MYLK: variants seen among roughly 807,000 people sequenced by gnomAD.
MYLK encodes myosin light chain kinase, smooth muscle.
Under a neutral mutation model 203.4 loss-of-function variants are expected in MYLK, and 106 were observed. The ratio of observed to expected loss-of-function variants is 0.52; its 90% confidence interval spans 0.45 to 0.61. MYLK has a LOEUF of 0.61. Ranked by LOEUF, MYLK falls within the 20% of genes least tolerant of loss-of-function variation. The probability of loss-of-function intolerance (pLI) is 0.00; values close to 1 mark genes in which losing one functional copy is unlikely to be tolerated. For missense variants in MYLK, 2,072 were observed against 2,442.3 expected, an observed-to-expected ratio of 0.85 and a Z score of 3.20; for synonymous variants, 867 against 959.5, an observed-to-expected ratio of 0.90 and a Z score of 1.78.
rs1381414911 is a variant in MYLK at position 123,661,178 on chromosome 3, G to A, written c.3985+2927C>T. Among the ~76,000 whole-genome samples the A allele has an allele frequency of 2.6e-5, 4 of 152,322 alleles. No homozygotes were observed. In the East Asian group the frequency reaches 7.7e-4, roughly 29 times the overall value. On this transcript the variant is annotated intron_variant, in intron 23 of 33. Coordinates refer to ENST00000360304, the MANE Select transcript of MYLK (RefSeq NM_053025.4). The stretch of plus-strand genomic sequence containing the variant: ...AAAGGCCAGAACTGCAGCCCGCGTA[G>A]TGGTGATCGGAGGAGGGGAGTGCGT...
At chr3:123,708,253 C>T (rs538840524) in intron 15 of MYLK, among the ~76,000 whole-genome samples, 135 of 152,274 alleles carry the variant, frequency 8.9e-4, no homozygotes, top group Middle Eastern at 3.4e-3. Context: ...CCAGAAGGCA[C>T]GGGGCACCGA....
Position 123,732,988 on chromosome 3 carries a change from A to G in MYLK, c.1424T>C (p.Leu475Pro). Residue 475 changes from leucine (L) to proline (P), a missense_variant, in exon 11 of 34, where the codon CTG becomes CCG. Leu to Pro is a moderately conservative substitution (Grantham distance 98, BLOSUM62 -3). Around this residue, in one of 3 missense-constraint regions of MYLK, gnomAD observed 683 missense variants for 643.8 expected, o/e 1.06. Coordinates refer to ENST00000360304, the MANE Select transcript of MYLK (RefSeq NM_053025.4). ...EDAGSHYLCL[L>P]KARTRDSGTY... Reference sequence around the variant, plus strand: ...CCCACTGTCCCTGGTCCGGGCTTTCAGCAGGCAGAGGTAATGGGAGCCAGC... The same window carrying G: ...CCCACTGTCCCTGGTCCGGGCTTTCGGCAGGCAGAGGTAATGGGAGCCAGC... 1.9e-6 allele frequency: 3 copies of G among 1,614,208 alleles called. No individual in the cohort carries two copies. The highest frequency in any genetic ancestry group is 2.5e-6 in the Non-Finnish European group (3 of 1,180,034).
chr3:123,736,636 G>A (rs1271179391), intron 8 of MYLK, among the ~76,000 whole-genome samples: 20 of 152,186 alleles, frequency 1.3e-4, no homozygotes, highest in African/African-American at 4.3e-4. Flanking sequence ...CAGTCTGGGT[G>A]TGAAGGAACA....
In MYLK at chr3:123,733,802, A is replaced by G; in HGVS notation, c.1194T>C (p.Ala398=). 1 of 1,614,210 alleles carries G rather than the reference A, an allele frequency of 6.2e-7. No homozygotes were observed. Among genetic ancestry groups the G allele is most frequent in the African/African-American group, 1.3e-5 (1 of 75,054 alleles). ...CCTCCATGGGGATTCTCCTGTTAGC[A>G]GCCTTGCTCACAACATCTTGGCTCC... is the stretch of plus-strand genomic sequence containing the variant. ...GLGSQDVVSK[A]ANRRIPMEGQ... is the part of the protein sequence containing the mutation. Residue 398 remains alanine (A), a synonymous_variant, in exon 10 of 34, where the codon GCT becomes GCC. Transcript: ENST00000360304.
intron 5 of MYLK, among the ~76,000 whole-genome samples, chr3:123,749,687 T>C (rs545183237): frequency 8.5e-5 from 13 of 152,328 alleles, no homozygotes; most frequent in East Asian, 5.8e-4. Context: ...ACTTTCTGGG[T>C]GCTACTTCCT....
At chr3:123,680,036 T>G (rs2060207952) in intron 20 of MYLK, among the ~76,000 whole-genome samples, 2 of 152,260 alleles carry the variant, frequency 1.3e-5, no homozygotes, top group South Asian at 4.1e-4. Flanking sequence ...CCCCTGAGAT[T>G]CTGATGTAAT....
intron 13 of MYLK, among the ~76,000 whole-genome samples, chr3:123,721,803 C>T (rs1462487078): frequency 6.7e-6 from 1 of 148,520 alleles, no homozygotes. Context: ...CCATACCTTT[C>T]CATGGCCCCA....
At chr3:123,735,650 G>A (rs1204159210) in intron 8 of MYLK, 8 of 524,970 alleles carry the variant, frequency 1.5e-5, no homozygotes, top group South Asian at 2.4e-5. Context: ...ATACCCTGAG[G>A]GCATGGAATC....
intron 31 of MYLK, among the ~76,000 whole-genome samples, chr3:123,626,417 C>T (rs2058150934): frequency 6.6e-6 from 1 of 152,174 alleles, no homozygotes; most frequent in Admixed American, 6.5e-5. Context: ...AGATCATGTG[C>T]CCTCCTTCAT....
At position 123,876,598 on chromosome 3, in the gene MYLK, T is replaced by A. The variant is rs1224044518; in HGVS notation, c.-166A>T. 3 of 152,200 alleles carry A rather than the reference T, an allele frequency of 2.0e-5. No homozygotes were observed. The highest frequency in any genetic ancestry group is 4.4e-5 in the Non-Finnish European group (3 of 68,036). 9.4% of individuals were successfully genotyped at this position (152,200 alleles called of 1,614,324 possible). ...TTCAGCTGGCCCGAATTGGTTTCTG[T>A]TAATTTTGAAGAATCCTTCCTAATA... On this transcript the variant is annotated 5_prime_UTR_variant, in exon 2 of 34. Transcript: ENST00000360304.
chr3:123,817,837 A>G (rs1054126467), intron 3 of MYLK, among the ~76,000 whole-genome samples: 1 of 152,188 alleles, frequency 6.6e-6, no homozygotes, highest in Non-Finnish European at 1.5e-5. Flanking sequence ...CCCTCCTCAC[A>G]CATGCAGAAA....
At chr3:123,717,174 G>A (rs1263279547) in intron 13 of MYLK, among the ~76,000 whole-genome samples, 4 of 152,188 alleles carry the variant, frequency 2.6e-5, no homozygotes, top group Non-Finnish European at 4.4e-5. Flanking sequence ...GGATCCATAC[G>A]TTATGTTAAC....
intron 2 of MYLK, among the ~76,000 whole-genome samples, chr3:123,853,580 C>T (rs375769693): frequency 2.6e-5 from 4 of 152,242 alleles, no homozygotes; most frequent in East Asian, 1.9e-4. Context: ...TTATCCTGCC[C>T]GTCTCACCAC....
chr3:123,752,535 G>C lies in MYLK; in HGVS notation c.169C>G (p.Arg57Gly), dbSNP rs776636237. The part of the protein sequence containing the change: ...GATAKFEGRV[R>G]GYPEPQVTWH... ...GTCACCTGGGGCTCTGGGTAACCCC[G>C]GACCTTCAAGAAAAAGAAGAAAGGG... is the stretch of plus-strand genomic sequence containing the variant. The change falls in exon 5 of 34, where the codon CGG (arginine) becomes GGG (glycine). Residue 57 changes from arginine (R) to glycine (G), a missense_variant. This residue lies in a region of MYLK where 683 missense variants were observed against 643.8 expected (regional missense o/e 1.06). Coordinates refer to ENST00000360304, the MANE Select transcript of MYLK (RefSeq NM_053025.4). 8.1e-6 allele frequency: 13 copies of C among 1,612,208 alleles called. No homozygotes were observed. The highest frequency in any genetic ancestry group is 1.1e-5 in the Non-Finnish European group (13 of 1,179,544).
intron 2 of MYLK, among the ~76,000 whole-genome samples, chr3:123,834,534 AGGT>A (rs953294810): frequency 6.6e-6 from 1 of 151,994 alleles, no homozygotes; most frequent in Non-Finnish European, 1.5e-5. Flanking sequence ...AGGTGGGTAA[AGGT>A]GGTGCAGGCA....
chr3:123,757,716 G>A (rs79284445), intron 4 of MYLK, among the ~76,000 whole-genome samples: 1 of 152,114 alleles, frequency 6.6e-6, no homozygotes, highest in African/African-American at 2.4e-5. Flanking sequence ...AGTAACTGAA[G>A]GGATGCTGGG....
chr3:123,614,374 G>A, intron 33 of MYLK, 25 bp from the exon 34 acceptor site: 1 of 1,614,030 alleles, frequency 6.2e-7, no homozygotes, highest in Non-Finnish European at 8.5e-7. Flanking sequence ...GAGAACACAA[G>A]TTGCAGGAAC....
At position 123,614,011 on chromosome 3, in the gene MYLK, T is replaced by A; in HGVS notation, c.*94A>T. On this transcript the variant is annotated 3_prime_UTR_variant, in exon 34 of 34. Coordinates refer to ENST00000360304, the MANE Select transcript of MYLK (RefSeq NM_053025.4). Reference sequence around the variant, plus strand: ...CTAACCGATAATCTATCACACTAGGTGCTTTTACTATCTTGAGTTTTTTTT... The same window carrying A: ...CTAACCGATAATCTATCACACTAGGAGCTTTTACTATCTTGAGTTTTTTTT... The A allele has an allele frequency of 1.4e-6, 2 of 1,469,132 alleles. No individual in the cohort carries two copies. The highest frequency in any genetic ancestry group is 1.9e-6 in the Non-Finnish European group (2 of 1,069,594). The allele number at this position is 1,469,132 out of a possible 1,614,324, so 91.0% of individuals were successfully genotyped here.
chr3:123,719,556 C>T (rs2062017629), intron 13 of MYLK, among the ~76,000 whole-genome samples: 1 of 152,192 alleles, frequency 6.6e-6, no homozygotes, highest in Admixed American at 6.5e-5. Flanking sequence ...GGATACTTTG[C>T]ACATTCATTC....
Sources: allele counts gnomAD v4.1 joint callset (sites outside exome capture counted in the v4.1 genomes callset), GRCh38; gene constraint gnomAD v4.1.1; regional missense constraint gnomAD v4.1.1; transcripts MANE v1.5; gene names NCBI Gene and HGNC (gene_info 2026-07-23, HGNC 2026-07-21).